Variants in SPAG16 observed in about 807,000 individuals in gnomAD.
The protein encoded by SPAG16 is sperm associated antigen 16.
In SPAG16, 86 loss-of-function variants were observed where a neutral mutation model predicts 80.4. That is an observed-to-expected ratio of 1.07 (90% CI 0.90 to 1.28). The LOEUF is 1.28. Ranked by LOEUF, SPAG16 falls within the 50% of genes most tolerant of loss-of-function variation. The pLI is 0.00. For synonymous variants in SPAG16, 294 were observed against 265.9 expected, an observed-to-expected ratio of 1.11 and a Z score of -1.03; for missense variants, 870 against 765.3, an observed-to-expected ratio of 1.14 and a Z score of -1.61.
intron 10 of SPAG16, among the ~76,000 whole-genome samples, chr2:213,685,612 CAAA>C (rs2064626808): frequency 1.3e-5 from 2 of 152,048 alleles, no homozygotes; most frequent in East Asian, 1.9e-4. Context: ...GTGTAGATTG[CAAA>C]GGAAGAATAA....
chr2:213,507,588 G>T (rs923071292), intron 10 of SPAG16, among the ~76,000 whole-genome samples: 2 of 152,270 alleles, frequency 1.3e-5, no homozygotes, highest in South Asian at 2.1e-4. Flanking sequence ...CTCCTTTTCA[G>T]CAATGTAGTG....
chr2:213,525,853 A>C (rs1347029850), intron 10 of SPAG16, among the ~76,000 whole-genome samples: 1 of 152,138 alleles, frequency 6.6e-6, no homozygotes, highest in Admixed American at 6.5e-5. Context: ...AGATATACAT[A>C]TCTATATATT....
At chr2:213,838,998 G>A (rs529214459) in intron 10 of SPAG16, among the ~76,000 whole-genome samples, 11 of 152,202 alleles carry the variant, frequency 7.2e-5, no homozygotes, top group East Asian at 5.8e-4. Flanking sequence ...TACCGTTACC[G>A]TCAAGACAAT....
intron 12 of SPAG16, among the ~76,000 whole-genome samples, chr2:213,940,518 T>C (rs1252155253): frequency 1.3e-5 from 2 of 152,086 alleles, no homozygotes; most frequent in Non-Finnish European, 2.9e-5. Context: ...TGGTGTCCAA[T>C]CACTGGCCCC....
intron 10 of SPAG16, among the ~76,000 whole-genome samples, chr2:213,579,273 T>C (rs956592299): frequency 3.3e-5 from 5 of 152,060 alleles, no homozygotes; most frequent in Admixed American, 1.3e-4. Flanking sequence ...ATGTGGAAAA[T>C]GGGGCTTGAT....
intron 12 of SPAG16, among the ~76,000 whole-genome samples, chr2:213,980,712 G>GTATATATA (rs1553686607): frequency 4.4e-5 from 5 of 114,004 alleles, no homozygotes; most frequent in African/African-American, 1.1e-4. Flanking sequence ...GTGTGTGTGT[G>GTATATATA]TATATATATA....
intron 13 of SPAG16, among the ~76,000 whole-genome samples, chr2:214,080,896 G>A (rs1218075450): frequency 1.3e-5 from 2 of 151,738 alleles, no homozygotes; most frequent in Non-Finnish European, 2.9e-5. Flanking sequence ...ATATACAGAT[G>A]GAGAGTCAGC....
intron 14 of SPAG16, among the ~76,000 whole-genome samples, chr2:214,112,585 G>C (rs537806008): frequency 6.7e-6 from 1 of 148,618 alleles, no homozygotes; most frequent in Admixed American, 6.7e-5. Flanking sequence ...TGTCTCTTTT[G>C]ATCTTTGTTG....
intron 15 of SPAG16, among the ~76,000 whole-genome samples, chr2:214,350,124 A>G (rs1304949790): frequency 6.6e-6 from 1 of 152,310 alleles, no homozygotes; most frequent in East Asian, 1.9e-4. Context: ...ATAACTTTGA[A>G]TATCAGCAGG....
intron 12 of SPAG16, among the ~76,000 whole-genome samples, chr2:213,991,465 G>T (rs954281385): frequency 6.6e-6 from 1 of 152,092 alleles, no homozygotes; most frequent in African/African-American, 2.4e-5. Flanking sequence ...ATAAACATGT[G>T]TACATGTGTC....
At chr2:213,651,839 T>A (rs902701717) in intron 10 of SPAG16, among the ~76,000 whole-genome samples, 1 of 152,212 alleles carries the variant, frequency 6.6e-6, no homozygotes, top group African/African-American at 2.4e-5. Context: ...TAAATTGACT[T>A]TCATTGAGAT....
At chr2:214,076,018 C>T (rs2051056606) in intron 13 of SPAG16, among the ~76,000 whole-genome samples, 3 of 152,104 alleles carry the variant, frequency 2.0e-5, no homozygotes, top group Non-Finnish European at 4.4e-5. Context: ...TATTTGAATG[C>T]ATTTTTACAT....
At chr2:213,958,986 A>G (rs2044284050) in intron 12 of SPAG16, among the ~76,000 whole-genome samples, 1 of 152,200 alleles carries the variant, frequency 6.6e-6, no homozygotes, top group Non-Finnish European at 1.5e-5. Flanking sequence ...TGGGAATGTC[A>G]TACTTTTTCC....
At chr2:213,458,030 G>A (rs879468831) in intron 9 of SPAG16, among the ~76,000 whole-genome samples, 1 of 151,984 alleles carries the variant, frequency 6.6e-6, no homozygotes, top group Non-Finnish European at 1.5e-5. Context: ...ATATAAACTA[G>A]TACTTTTACT....
At chr2:213,810,403 G>T (rs769937246) in intron 10 of SPAG16, among the ~76,000 whole-genome samples, 4 of 152,102 alleles carry the variant, frequency 2.6e-5, no homozygotes, top group African/African-American at 9.7e-5. Flanking sequence ...AAATTCAAAT[G>T]ATTGTAGTGG....
chr2:213,409,277 TTATTC>T (rs2068832292), intron 9 of SPAG16, among the ~76,000 whole-genome samples: 1 of 152,212 alleles, frequency 6.6e-6, no homozygotes, highest in African/African-American at 2.4e-5. Flanking sequence ...GTAAAACTAT[TTATTC>T]TATAAACAGT....
intron 13 of SPAG16, among the ~76,000 whole-genome samples, chr2:214,062,087 A>G (rs1378554225): frequency 6.6e-6 from 1 of 151,870 alleles, no homozygotes; most frequent in Admixed American, 6.6e-5. Context: ...CAGCATTTCT[A>G]TTGTGATCTT....
intron 10 of SPAG16, among the ~76,000 whole-genome samples, chr2:213,535,355 A>G (rs1445274438): frequency 6.6e-6 from 1 of 152,106 alleles, no homozygotes; most frequent in African/African-American, 2.4e-5. Context: ...AGAACCTAAA[A>G]GAAAGCTTAA....
intron 9 of SPAG16, among the ~76,000 whole-genome samples, chr2:213,409,327 CT>C (rs1265416519): frequency 6.6e-6 from 1 of 152,074 alleles, no homozygotes; most frequent in Non-Finnish European, 1.5e-5. Flanking sequence ...GTAAAATATA[CT>C]TTTGGTAAAA....
Sources: allele counts gnomAD v4.1 joint callset (sites outside exome capture counted in the v4.1 genomes callset), GRCh38; gene constraint gnomAD v4.1.1; transcripts MANE v1.5; gene names NCBI Gene and HGNC (gene_info 2026-07-23, HGNC 2026-07-21).